Variants in ABHD10 observed in about 807,000 individuals in gnomAD.
ABHD10 encodes the protein palmitoyl-protein thioesterase ABHD10, mitochondrial.
Under a neutral mutation model 33.1 loss-of-function variants are expected in ABHD10, and 22 were observed. The observed-to-expected ratio is 0.66, with a 90% confidence interval of 0.47 to 0.95. The LOEUF (loss-of-function observed/expected upper bound fraction) is 0.95, where lower values mean the gene tolerates loss of function less well. Ranked by LOEUF, ABHD10 falls within the 40% of genes least tolerant of loss-of-function variation. The pLI is 0.00. For missense variants in ABHD10, 352 were observed against 379.9 expected (o/e 0.93, Z 0.61); for synonymous variants, 146 against 133.9 (o/e 1.09, Z -0.62).
chr3:111,981,311 C>CAAAAAAAAAAAA (rs11301143), intron 1 of ABHD10, among the ~76,000 whole-genome samples: 46 of 91,090 alleles, frequency 5.0e-4, no homozygotes, highest in East Asian at 1.1e-3. Flanking sequence ...GACCCTGTCT[C>CAAAAAAAAAAAA]AAAAAAAAAA....
chr3:111,990,857 A>G lies in ABHD10; in HGVS notation c.577-520A>G, dbSNP rs16859018. On this transcript the variant is annotated intron_variant, in intron 4 of 4. Transcript: ENST00000273359. Reference sequence around the variant, plus strand: ...TATGCCATATCCATTTTAGCTACTTATAAGCACTTTTAGGTTTACAATTTT... The same window carrying G: ...TATGCCATATCCATTTTAGCTACTTGTAAGCACTTTTAGGTTTACAATTTT... The G allele has an allele frequency of 0.093, 47,810 of 511,916 alleles. 3,393 individuals carry two copies. The highest frequency in any genetic ancestry group is 0.34 in the East Asian group (9,283 of 27,246). 31.7% of individuals were successfully genotyped at this position (511,916 alleles called of 1,614,324 possible). A position where few individuals can be genotyped will look rare whatever the true frequency, so the allele number is the denominator to read the frequency against.
chr3:111,982,017 T>C (rs373234406), intron 2 of ABHD10, 50 bp downstream of exon 2: 1 of 1,347,192 alleles, frequency 7.4e-7, no homozygotes, highest in Non-Finnish European at 9.9e-7. Context: ...AGCATTACAG[T>C]GGAGAATTAC....
Position 111,991,704 on chromosome 3 carries a change from T to G in ABHD10, c.904T>G (p.Ser302Ala), listed in dbSNP as rs1166674665. Residue 302 changes from serine to alanine, a missense_variant, in exon 5 of 5, where the codon TCA becomes GCA. Physicochemically the swap from Ser to Ala is moderately conservative, Grantham distance 99. Transcript: ENST00000273359. The stretch of plus-strand genomic sequence containing the variant: ...TATTGATGACTTAATTGATAAGCTC[T>G]CAACTATAGTTAACTAGTATCACAT... ...YTIDDLIDKLSTIVN is the reference protein window; with the variant it reads ...YTIDDLIDKLATIVN 1.9e-6 allele frequency: 3 copies of G among 1,611,972 alleles called. No homozygotes were observed. In the African/African-American group the frequency reaches 4.0e-5, roughly 22 times the overall value.
intron 4 of ABHD10, among the ~76,000 whole-genome samples, 190 bp downstream of exon 4, chr3:111,987,241 T>G (rs2072679847): frequency 6.6e-6 from 1 of 152,278 alleles, no homozygotes; most frequent in African/African-American, 2.4e-5. Flanking sequence ...TCATCTTGTT[T>G]AAGATTTCGT....
At chr3:111,990,003 T>A (rs879827485) in intron 4 of ABHD10, among the ~76,000 whole-genome samples, 3 of 152,056 alleles carry the variant, frequency 2.0e-5, no homozygotes, top group Non-Finnish European at 4.4e-5. Context: ...TATGTGTAGC[T>A]TTTCTTTCCT....
chr3:111,986,399 G>C (rs200365124), intron 3 of ABHD10, 24 bp downstream of exon 3: 1 of 1,484,992 alleles, frequency 6.7e-7, no homozygotes. Context: ...TAAGTATGAT[G>C]ATAATTACTG....
chr3:111,989,691 A>C (rs1037389252), intron 4 of ABHD10, among the ~76,000 whole-genome samples: 2 of 152,190 alleles, frequency 1.3e-5, no homozygotes, highest in African/African-American at 4.8e-5. Context: ...TATTTGGTTC[A>C]TATGTTGTTT....
intron 2 of ABHD10, among the ~76,000 whole-genome samples, chr3:111,985,025 A>G (rs543982664): frequency 4.6e-5 from 7 of 152,372 alleles, no homozygotes; most frequent in African/African-American, 1.7e-4. Context: ...ATTACAATAC[A>G]ATATGAAAAG....
intron 1 of ABHD10, among the ~76,000 whole-genome samples, chr3:111,980,910 G>A (rs531816151): frequency 3.3e-5 from 5 of 152,218 alleles, no homozygotes; most frequent in South Asian, 4.1e-4. Flanking sequence ...ATGGGTGGGC[G>A]GGTGGATGGG....
In ABHD10 at chr3:111,979,146, C is replaced by G. The variant is rs772823940; in HGVS notation, c.85C>G (p.Arg29Gly). ...GGCAGCCGTCCCCTTCGGTCCCCAC[C>G]GTGGCCTCAGCGTGCTGCTTGCACG... The part of the protein sequence containing the change: ...GWAAVPFGPH[R>G]GLSVLLARIP... The change falls in exon 1 of 5, where the codon CGT (arginine) becomes GGT (glycine). Residue 29 changes from arginine to glycine, a missense_variant. Arg to Gly is a moderately radical substitution (Grantham distance 125). Coordinates refer to ENST00000273359, the MANE Select transcript of ABHD10 (RefSeq NM_018394.4). 6.2e-7 allele frequency: 1 copy of G among 1,613,066 alleles called. No individual in the cohort carries two copies. Among genetic ancestry groups the G allele is most frequent in the African/African-American group, 1.3e-5 (1 of 75,062 alleles).
Position 111,987,332 on chromosome 3 carries a change from T to A in ABHD10, c.576+281T>A, listed in dbSNP as rs75412518. On this transcript the variant is annotated intron_variant, in intron 4 of 4. Coordinates refer to ENST00000273359, the MANE Select transcript of ABHD10 (RefSeq NM_018394.4). ...TCACACTTTGAAGTTTCTTTTTTTT[T>A]AGCCACATTTTCTTTATTATTACAT... Among the ~76,000 whole-genome samples, 826 of 152,332 alleles carry A rather than the reference T, an allele frequency of 5.4e-3. 11 individuals are homozygous for A. Among genetic ancestry groups the A allele is most frequent in the African/African-American group, 0.018 (751 of 41,574 alleles).
At chr3:111,990,858 T>C (rs572827637) in intron 4 of ABHD10, 25 of 498,948 alleles carry the variant, frequency 5.0e-5, no homozygotes, top group African/African-American at 4.6e-4. Context: ...TAGCTACTTA[T>C]AAGCACTTTT....
chr3:111,984,908 A>G (rs2072635083), intron 2 of ABHD10, among the ~76,000 whole-genome samples: 2 of 152,238 alleles, frequency 1.3e-5, no homozygotes, highest in Non-Finnish European at 2.9e-5. Flanking sequence ...GTGATGGTAT[A>G]GGGCAGGCAG....
At chr3:111,990,812 G>T in intron 4 of ABHD10, 2 of 972,646 alleles carry the variant, frequency 2.1e-6, no homozygotes, top group South Asian at 2.6e-5. Flanking sequence ...TTCTGTGTTT[G>T]ATTCTTTCTC....
intron 1 of ABHD10, among the ~76,000 whole-genome samples, chr3:111,980,982 A>G (rs1471033539): frequency 1.3e-5 from 2 of 152,100 alleles, no homozygotes; most frequent in Non-Finnish European, 2.9e-5. Context: ...GGGCAGACCA[A>G]ACCTGTTTCT....
At chr3:111,980,116 A>G (rs1168696619) in intron 1 of ABHD10, among the ~76,000 whole-genome samples, 2 of 152,232 alleles carry the variant, frequency 1.3e-5, no homozygotes, top group Non-Finnish European at 2.9e-5. Flanking sequence ...TGATTTATGA[A>G]TATAATTATA....
At chr3:111,990,717 C>A in intron 4 of ABHD10, 2 of 1,434,648 alleles carry the variant, frequency 1.4e-6, no homozygotes, top group South Asian at 1.4e-5. Flanking sequence ...GAAGGAAAAA[C>A]TATATTTCTT....
At chr3:111,981,206 G>C (rs913701014) in intron 1 of ABHD10, among the ~76,000 whole-genome samples, 1 of 151,582 alleles carries the variant, frequency 6.6e-6, no homozygotes, top group African/African-American at 2.4e-5. Context: ...GGGAGGCTGA[G>C]GTGGGACGAT....
chr3:111,985,026 A>G lies in ABHD10; in HGVS notation c.327-1238A>G, dbSNP rs79000538. On this transcript the variant is annotated intron_variant, in intron 2 of 4. Transcript: ENST00000273359. ...TAAAAACAAACTTGATTACAATACA[A>G]TATGAAAAGTGTTGAGTACATACAA... 2.0e-3 allele frequency among the ~76,000 whole-genome samples: 309 copies of G among 152,344 alleles called. 1 individual carries two copies. Among genetic ancestry groups the G allele is most frequent in the African/African-American group, 6.9e-3 (288 of 41,578 alleles).
Sources: allele counts gnomAD v4.1 joint callset (sites outside exome capture counted in the v4.1 genomes callset), GRCh38; gene constraint gnomAD v4.1.1; transcripts MANE v1.5; gene names NCBI Gene and HGNC (gene_info 2026-07-23, HGNC 2026-07-21).